The following LYPD6 variants were observed in gnomAD, a reference collection of about 807,000 sequenced individuals.
The protein encoded by LYPD6 is ly6/PLAUR domain-containing protein 6.
In LYPD6, 15 loss-of-function variants were observed where a neutral mutation model predicts 22.7. The observed-to-expected ratio is 0.66, with a 90% CI of 0.44 to 1.02. The LOEUF (loss-of-function observed/expected upper bound fraction) is 1.02. Among genes scored for constraint, LYPD6 ranks in the 50% least tolerant of loss-of-function variants. The pLI, the probability that LYPD6 is intolerant of heterozygous loss-of-function variation, is 0.00. For synonymous variants in LYPD6, 72 were observed against 77.5 expected (o/e 0.93, Z 0.37); for missense variants, 189 against 208.4 (o/e 0.91, Z 0.57).
chr2:149,404,024 T>G (rs1682629391), intron 1 of LYPD6, among the ~76,000 whole-genome samples: 1 of 152,184 alleles, frequency 6.6e-6, no homozygotes, highest in African/African-American at 2.4e-5. Flanking sequence ...CCCAGGTTTG[T>G]CAAAGATCAC....
intron 1 of LYPD6, among the ~76,000 whole-genome samples, chr2:149,383,050 T>C (rs1034663023): frequency 2.0e-5 from 3 of 152,068 alleles, no homozygotes; most frequent in African/African-American, 7.2e-5. Flanking sequence ...ATTTTTATTG[T>C]GGTGAAATAT....
the LYPD6 span, among the ~76,000 whole-genome samples, chr2:149,482,491 A>T: frequency 5.6e-4 from 86 of 152,340 alleles, 1 homozygote; most frequent in Non-Finnish European, 1.0e-4. Context: ...TACACAGACC[A>T]TCAGCTACAA....
At chr2:149,333,216 G>A (rs1350207668) in intron 1 of LYPD6, among the ~76,000 whole-genome samples, 1 of 152,212 alleles carries the variant, frequency 6.6e-6, no homozygotes, top group Non-Finnish European at 1.5e-5. Flanking sequence ...AAATGTAGCA[G>A]AAGACATTGG....
intron 1 of LYPD6, among the ~76,000 whole-genome samples, chr2:149,336,734 C>A (rs927179703): frequency 1.3e-5 from 2 of 152,084 alleles, no homozygotes; most frequent in African/African-American, 4.8e-5. Flanking sequence ...CTAGATTAAA[C>A]ACATATTCTT....
At chr2:149,362,761 T>C (rs75560054) in intron 1 of LYPD6, among the ~76,000 whole-genome samples, 3,194 of 152,200 alleles carry the variant, frequency 0.021, 122 homozygotes, top group African/African-American at 0.074. Context: ...CGTACTCTTA[T>C]GATAAATAAC....
chr2:149,437,566 A>G, intron 1 of LYPD6, 72 bp from the exon 2 acceptor site: 2 of 1,347,982 alleles, frequency 1.5e-6, no homozygotes, highest in Non-Finnish European at 2.0e-6. Flanking sequence ...TCTTACCAGC[A>G]TGGGAGCTCA....
chr2:149,366,700 A>G (rs1226246902), intron 1 of LYPD6, among the ~76,000 whole-genome samples: 2 of 152,212 alleles, frequency 1.3e-5, no homozygotes, highest in African/African-American at 4.8e-5. Context: ...CAAGATTTTA[A>G]ATCATTTATC....
At position 149,470,888 on chromosome 2, in the gene LYPD6, G is replaced by T; in HGVS notation, c.*38G>T. On this transcript the variant is annotated 3_prime_UTR_variant, in exon 5 of 5. Transcript: ENST00000334166. ...TCCATGTGTTAATAGCGATCCATGGGGATCTCGATGGTCCACAGACCTGCA... is the reference window on the plus strand; with the variant it reads ...TCCATGTGTTAATAGCGATCCATGGTGATCTCGATGGTCCACAGACCTGCA... 6.4e-7 allele frequency: 1 copy of T among 1,569,814 alleles called. No homozygotes were observed. Among genetic ancestry groups the T allele is most frequent in the African/African-American group, 1.3e-5 (1 of 74,196 alleles).
chr2:149,433,971 T>C (rs1033180468), intron 1 of LYPD6, among the ~76,000 whole-genome samples: 6 of 152,132 alleles, frequency 3.9e-5, no homozygotes, highest in Non-Finnish European at 8.8e-5. Flanking sequence ...CATTTCTTTT[T>C]ATTATTATTA....
chr2:149,407,789 T>G (rs985623065), intron 1 of LYPD6, among the ~76,000 whole-genome samples: 1 of 152,212 alleles, frequency 6.6e-6, no homozygotes, highest in African/African-American at 2.4e-5. Context: ...ACTGCATTCC[T>G]TTGGAGGAGG....
upstream of LYPD6, chr2:149,330,199 G>A (rs139411114): frequency 3.3e-5 from 5 of 152,168 alleles, no homozygotes; most frequent in Admixed American, 1.3e-4. Flanking sequence ...TCGCGCACAG[G>A]AAGGTATCGG....
intron 3 of LYPD6, among the ~76,000 whole-genome samples, chr2:149,455,421 A>G (rs1368416618): frequency 6.6e-6 from 1 of 151,298 alleles, no homozygotes; most frequent in South Asian, 2.1e-4. Context: ...ACCACACCCA[A>G]CTAATTTTGT....
chr2:149,403,639 G>A lies in LYPD6; in HGVS notation c.-71-33999G>A, dbSNP rs550195538. Among the ~76,000 whole-genome samples, 161 of 150,266 alleles carry A rather than the reference G, an allele frequency of 1.1e-3. 1 individual carries two copies. Among genetic ancestry groups the A allele is most frequent in the Non-Finnish European group, 1.9e-3 (127 of 67,792 alleles). On this transcript the variant is annotated intron_variant, in intron 1 of 4. Transcript: ENST00000334166. ...TGTAGATTCTGGATATTAGCCCTTT[G>A]TCAGATGAGTAGGTTGTGAAAATTT...
At chr2:149,376,098 CT>C (rs1336913726) in intron 1 of LYPD6, among the ~76,000 whole-genome samples, 1 of 152,170 alleles carries the variant, frequency 6.6e-6, no homozygotes, top group Non-Finnish European at 1.5e-5. Flanking sequence ...TGGAAACCGC[CT>C]CAGAGCTGAA....
chr2:149,418,589 C>T (rs1056935152), intron 1 of LYPD6, among the ~76,000 whole-genome samples: 9 of 150,772 alleles, frequency 6.0e-5, no homozygotes, highest in African/African-American at 2.2e-4. Context: ...CTAATTCTCT[C>T]GAGACCTTGC....
intron 1 of LYPD6, among the ~76,000 whole-genome samples, chr2:149,431,817 A>G (rs1319769437): frequency 1.3e-5 from 2 of 152,200 alleles, no homozygotes; most frequent in African/African-American, 4.8e-5. Flanking sequence ...CCATCAAGAA[A>G]GTAAAAGACA....
At chr2:149,366,325 C>T (rs1389704755) in intron 1 of LYPD6, among the ~76,000 whole-genome samples, 1 of 152,086 alleles carries the variant, frequency 6.6e-6, no homozygotes, top group Non-Finnish European at 1.5e-5. Context: ...TAAATGCCGG[C>T]GTGTTCACAG....
At chr2:149,347,521 C>T (rs1019207595) in intron 1 of LYPD6, among the ~76,000 whole-genome samples, 1 of 152,120 alleles carries the variant, frequency 6.6e-6, no homozygotes, top group Admixed American at 6.5e-5. Context: ...TGTTAAAGCG[C>T]TTGTTTATTT....
chr2:149,454,538 A>G (rs1680907192), intron 3 of LYPD6, among the ~76,000 whole-genome samples: 1 of 152,142 alleles, frequency 6.6e-6, no homozygotes, highest in Non-Finnish European at 1.5e-5. Context: ...CAGTTTCTTA[A>G]TACTATGAAC....
Sources: gnomAD v4.1 joint callset for allele counts (sites outside exome capture counted in the v4.1 genomes callset) on GRCh38, gnomAD v4.1.1 for gene constraint, MANE v1.5 for transcripts, NCBI Gene and HGNC (gene_info 2026-07-23, HGNC 2026-07-21) for gene names.